The following ZCCHC7 variants were observed in gnomAD, a reference collection of about 807,000 sequenced individuals.
ZCCHC7 encodes zinc finger CCHC-type containing 7.
A neutral mutation model predicts 52.0 loss-of-function variants in ZCCHC7; 35 were observed. The ratio of observed to expected loss-of-function variants is 0.67; its 90% confidence interval spans 0.51 to 0.89. The LOEUF is 0.89. Among genes scored for constraint, ZCCHC7 ranks in the 40% least tolerant of loss-of-function variants. The pLI is 0.00. For missense variants in ZCCHC7, 574 were observed against 649.1 expected (o/e 0.88, Z 1.26); for synonymous variants, 217 against 221.5 (o/e 0.98, Z 0.18).
intron 2 of ZCCHC7, among the ~76,000 whole-genome samples, chr9:37,277,811 G>C (rs1249427498): frequency 6.6e-6 from 1 of 151,980 alleles, no homozygotes; most frequent in African/African-American, 2.4e-5. Flanking sequence ...AACAAAACGT[G>C]AACATTCTTC....
intron 6 of ZCCHC7, among the ~76,000 whole-genome samples, chr9:37,344,253 G>A (rs757772971): frequency 3.9e-5 from 6 of 152,138 alleles, no homozygotes; most frequent in Non-Finnish European, 8.8e-5. Context: ...TTTATTATTT[G>A]GAGAGTGGAT....
chr9:37,197,436 T>C (rs1823347793), intron 2 of ZCCHC7, among the ~76,000 whole-genome samples: 1 of 152,264 alleles, frequency 6.6e-6, no homozygotes, highest in Non-Finnish European at 1.5e-5. Context: ...AGTTCACATT[T>C]ATTGAAAATG....
chr9:37,144,456 A>G (rs1051846582), intron 2 of ZCCHC7, among the ~76,000 whole-genome samples: 1 of 151,996 alleles, frequency 6.6e-6, no homozygotes, highest in Non-Finnish European at 1.5e-5. Flanking sequence ...ACTTCACAAA[A>G]TAATTTAATG....
intron 5 of ZCCHC7, among the ~76,000 whole-genome samples, chr9:37,319,928 G>T (rs1588665872): frequency 6.6e-6 from 1 of 152,242 alleles, no homozygotes; most frequent in Middle Eastern, 3.4e-3. Context: ...CTTTGTCAAA[G>T]GTCAATTGGC....
chr9:37,347,689 T>C (rs1194383574), intron 6 of ZCCHC7, among the ~76,000 whole-genome samples: 1 of 152,152 alleles, frequency 6.6e-6, no homozygotes, highest in Non-Finnish European at 1.5e-5. Context: ...TGAGTAATGA[T>C]TTCTTTGCTC....
At chr9:37,197,779 G>T (rs1823367041) in intron 2 of ZCCHC7, among the ~76,000 whole-genome samples, 1 of 152,096 alleles carries the variant, frequency 6.6e-6, no homozygotes, top group South Asian at 2.1e-4. Flanking sequence ...TCCGAAATCT[G>T]ATCTGTGAGA....
At chr9:37,280,733 T>C (rs569668249) in intron 2 of ZCCHC7, among the ~76,000 whole-genome samples, 1 of 152,300 alleles carries the variant, frequency 6.6e-6, no homozygotes, top group Non-Finnish European at 1.5e-5. Flanking sequence ...GATGATTCTC[T>C]GATTTTCTCT....
chr9:37,208,861 A>G (rs1824059050), intron 2 of ZCCHC7, among the ~76,000 whole-genome samples: 1 of 152,120 alleles, frequency 6.6e-6, no homozygotes, highest in South Asian at 2.1e-4. Context: ...CAGCTCATTC[A>G]TTTCATGGCA....
intron 6 of ZCCHC7, among the ~76,000 whole-genome samples, chr9:37,348,073 A>G (rs1240030991): frequency 1.3e-5 from 2 of 152,058 alleles, no homozygotes; most frequent in African/African-American, 4.8e-5. Context: ...CACTCTAGTG[A>G]TTTCAGCCTT....
intron 2 of ZCCHC7, among the ~76,000 whole-genome samples, chr9:37,153,591 G>T (rs1423277843): frequency 6.6e-6 from 1 of 151,666 alleles, no homozygotes; most frequent in South Asian, 2.1e-4. Flanking sequence ...TGGGATTAAG[G>T]TATGAGCCAC....
At chr9:37,121,380 G>C (rs978165774) in intron 1 of ZCCHC7, among the ~76,000 whole-genome samples, 6 of 152,180 alleles carry the variant, frequency 3.9e-5, no homozygotes, top group Non-Finnish European at 4.4e-5. Flanking sequence ...CAGTGAATAA[G>C]TTTCTCTGAG....
intron 2 of ZCCHC7, among the ~76,000 whole-genome samples, chr9:37,253,277 TATG>T (rs905383775): frequency 1.3e-5 from 2 of 151,972 alleles, no homozygotes; most frequent in Non-Finnish European, 2.9e-5. Context: ...AAAATCATAA[TATG>T]ATCATCTAAA....
chr9:37,349,294 G>C, intron 6 of ZCCHC7, 63 bp from the exon 7 acceptor site: 1 of 1,546,732 alleles, frequency 6.5e-7, no homozygotes, highest in Non-Finnish European at 8.9e-7. Flanking sequence ...AGCTCTTTTG[G>C]AAAGAATGAG....
intron 7 of ZCCHC7, among the ~76,000 whole-genome samples, chr9:37,352,033 ATAG>A (rs1821410960): frequency 6.6e-6 from 1 of 152,242 alleles, no homozygotes; most frequent in Non-Finnish European, 1.5e-5. Flanking sequence ...CTAATCCAGA[ATAG>A]TAGATAAATT....
intron 2 of ZCCHC7, among the ~76,000 whole-genome samples, chr9:37,297,242 AT>A (rs575790055): frequency 1.1e-4 from 16 of 152,186 alleles, no homozygotes; most frequent in Non-Finnish European, 2.1e-4. Flanking sequence ...ATGGTTATTT[AT>A]TTAACACAGT....
chr9:37,311,144 T>C (rs1829581756), intron 5 of ZCCHC7, among the ~76,000 whole-genome samples: 1 of 152,128 alleles, frequency 6.6e-6, no homozygotes, highest in Non-Finnish European at 1.5e-5. Flanking sequence ...GCTTTACTGC[T>C]CACAAGAGAC....
At chr9:37,279,230 G>A (rs2133557045) in intron 2 of ZCCHC7, among the ~76,000 whole-genome samples, 1 of 151,908 alleles carries the variant, frequency 6.6e-6, no homozygotes, top group African/African-American at 2.4e-5. Context: ...AGTAACATTG[G>A]GTGATTTATA....
intron 2 of ZCCHC7, among the ~76,000 whole-genome samples, chr9:37,284,865 G>A (rs544152727): frequency 6.6e-6 from 1 of 152,144 alleles, no homozygotes; most frequent in Non-Finnish European, 1.5e-5. Context: ...TGGAGTGTAG[G>A]TTAGTATGTA....
chr9:37,218,456 C>T (rs1824628913), intron 2 of ZCCHC7, among the ~76,000 whole-genome samples: 1 of 152,192 alleles, frequency 6.6e-6, no homozygotes, highest in East Asian at 1.9e-4. Flanking sequence ...TATATAAATT[C>T]ATTCCCCCCT....
Sources: gnomAD v4.1 joint callset for allele counts (sites outside exome capture counted in the v4.1 genomes callset) on GRCh38, gnomAD v4.1.1 for gene constraint, MANE v1.5 for transcripts, NCBI Gene and HGNC (gene_info 2026-07-23, HGNC 2026-07-21) for gene names.